Variants in EPHB1 observed in about 807,000 individuals in gnomAD.
EPHB1 encodes the protein EPH receptor B1.
EPHB1 carries 30 observed loss-of-function variants against 94.4 expected under a neutral mutation model. The ratio of observed to expected loss-of-function variants is 0.32; its 90% CI spans 0.24 to 0.43. The LOEUF is 0.43. EPHB1 is among the 20% of genes least tolerant of loss of function. The pLI is 1.00. For missense variants in EPHB1, 1,055 were observed against 1,308.3 expected (o/e 0.81, Z 2.99); for synonymous variants, 522 against 489.1 (o/e 1.07, Z -0.89).
At chr3:135,086,208 G>A (rs1025699889) in intron 3 of EPHB1, among the ~76,000 whole-genome samples, 2 of 151,986 alleles carry the variant, frequency 1.3e-5, no homozygotes, top group African/African-American at 4.8e-5. Flanking sequence ...TTCCAGGACC[G>A]AGCTGCCTTA....
At chr3:134,836,879 A>T (rs972496232) in intron 1 of EPHB1, among the ~76,000 whole-genome samples, 7 of 152,250 alleles carry the variant, frequency 4.6e-5, no homozygotes, top group African/African-American at 1.7e-4. Flanking sequence ...AATCTGGAAT[A>T]AGTTTGTCTA....
At chr3:135,165,867 C>G (rs1941638984) in intron 7 of EPHB1, 101 bp from the exon 8 acceptor site, 1 of 795,204 alleles carries the variant, frequency 1.3e-6, no homozygotes, top group African/African-American at 1.7e-5. Context: ...CTATCCTCTA[C>G]ATATATGTAT....
chr3:135,141,961 A>C (rs977549678), intron 5 of EPHB1, among the ~76,000 whole-genome samples: 1 of 152,188 alleles, frequency 6.6e-6, no homozygotes, highest in African/African-American at 2.4e-5. Flanking sequence ...GGAGAATGAG[A>C]GTATAGTTTG....
rs557685026 is a variant in EPHB1 at position 135,164,718 on chromosome 3, A to G, written c.1586-1250A>G. ...CAGCTACTCGGGAGGCTGAGACATT[A>G]GAATTGCTTGAACTCGGGAGGCGGA... On this transcript the variant is annotated intron_variant, in intron 7 of 15. Coordinates refer to ENST00000398015, the MANE Select transcript of EPHB1 (RefSeq NM_004441.5). 2.0e-5 allele frequency among the ~76,000 whole-genome samples: 3 copies of G among 150,090 alleles called. No homozygotes were observed. In the South Asian group the frequency reaches 6.4e-4, roughly 32 times the overall value.
chr3:134,981,195 G>A (rs1934388926), intron 3 of EPHB1, among the ~76,000 whole-genome samples: 1 of 152,182 alleles, frequency 6.6e-6, no homozygotes, highest in Admixed American at 6.5e-5. Flanking sequence ...CCTCTTACCA[G>A]CACTCTGACC....
Position 134,925,723 on chromosome 3 carries a change from A to G in EPHB1, c.59-93A>G, listed in dbSNP as rs139965090. On this transcript the variant is annotated intron_variant, in intron 1 of 15. Transcript: ENST00000398015. ...CCTCCTTGTAGTACTGTCATTTACT[A>G]TCACAAACAACTTCGTGACCTTGAG... 2.8e-4 allele frequency: 296 copies of G among 1,062,902 alleles called. 1 individual carries two copies. The African/African-American group carries it at 4.6e-3, about 17-fold the overall frequency. The allele number at this position is 1,062,902 out of a possible 1,614,324, so 65.8% of individuals were successfully genotyped here. A position where few individuals can be genotyped will look rare whatever the true frequency, so the allele number is the denominator to read the frequency against.
At chr3:134,882,801 T>TCTTA (rs1320794897) in intron 1 of EPHB1, among the ~76,000 whole-genome samples, 3 of 79,780 alleles carry the variant, frequency 3.8e-5, no homozygotes, top group Non-Finnish European at 8.6e-5. Flanking sequence ...TTTCTTTCTT[T>TCTTA]CTTTCTTTCT....
intron 3 of EPHB1, among the ~76,000 whole-genome samples, chr3:135,096,899 C>A (rs928395105): frequency 6.6e-6 from 1 of 152,062 alleles, no homozygotes; most frequent in African/African-American, 2.4e-5. Context: ...AGATCGAGAC[C>A]ATCCTGGCTA....
rs1042789 is a variant in EPHB1, at chr3:135,132,851, C to A, written c.1099C>A (p.Arg367Ser). The change falls in exon 5 of 16, where the codon CGC becomes AGC. Residue 367 changes from arginine to serine, a missense_variant. Physicochemically the swap from Arg to Ser is moderately radical, Grantham distance 110. Transcript: ENST00000398015. ...CATCTGCAAAAAGTGCCGGGCAGACCGCCGGAGCTGCTCCCGCTGTGACGA... is the reference window on the plus strand; with the variant it reads ...CATCTGCAAAAAGTGCCGGGCAGACAGCCGGAGCTGCTCCCGCTGTGACGA... The part of the protein sequence containing the change: ...NIICKKCRAD[R>S]RSCSRCDDNV... The A allele has an allele frequency of 6.2e-7, 1 of 1,614,026 alleles. No homozygotes were observed.
At chr3:135,221,263 G>A (rs1352175629) in intron 12 of EPHB1, among the ~76,000 whole-genome samples, 1 of 152,068 alleles carries the variant, frequency 6.6e-6, no homozygotes, top group Non-Finnish European at 1.5e-5. Flanking sequence ...CATTGCATAG[G>A]CTATGGTTCT....
chr3:135,073,950 G>A (rs1470972100), intron 3 of EPHB1, among the ~76,000 whole-genome samples: 1 of 152,118 alleles, frequency 6.6e-6, no homozygotes, highest in East Asian at 1.9e-4. Flanking sequence ...TATTTATTTG[G>A]AAAGAATACT....
chr3:134,978,166 T>TG, intron 3 of EPHB1: 1 of 286,484 alleles, frequency 3.5e-6, no homozygotes, highest in South Asian at 2.2e-5. Flanking sequence ...TCCACTGAGT[T>TG]ACAAGTCCTA....
rs77142445 is a variant in EPHB1 at position 135,166,656 on chromosome 3, C to G, written c.1695-286C>G. Reference sequence around the variant, plus strand: ...TAGCTTAAGTGCTGATGGACATCCTCTTCACCTCTGCCCCCATCAGCACTG... The same window carrying G: ...TAGCTTAAGTGCTGATGGACATCCTGTTCACCTCTGCCCCCATCAGCACTG... On this transcript the variant is annotated intron_variant, in intron 8 of 15. Coordinates refer to ENST00000398015, the MANE Select transcript of EPHB1 (RefSeq NM_004441.5). Among the ~76,000 whole-genome samples the G allele has an allele frequency of 3.2e-3, 482 of 152,370 alleles. 1 individual carries two copies. Among genetic ancestry groups the G allele is most frequent in the African/African-American group, 0.011 (449 of 41,588 alleles).
chr3:135,194,486 G>A (rs527255486), intron 11 of EPHB1, among the ~76,000 whole-genome samples: 158 of 152,328 alleles, frequency 1.0e-3, no homozygotes, highest in Non-Finnish European at 1.5e-3. Context: ...TAGGTAGGCT[G>A]ATGGAACAGC....
At chr3:135,182,843 G>A (rs1191342077) in intron 10 of EPHB1, among the ~76,000 whole-genome samples, 2 of 152,122 alleles carry the variant, frequency 1.3e-5, no homozygotes, top group Non-Finnish European at 2.9e-5. Flanking sequence ...TCTGTTTCTA[G>A]CCCCATGTTT....
At chr3:134,922,346 G>C (rs2107700424) in intron 1 of EPHB1, among the ~76,000 whole-genome samples, 1 of 152,356 alleles carries the variant, frequency 6.6e-6, no homozygotes, top group East Asian at 1.9e-4. Context: ...TGCCAGAAAA[G>C]AAACTGCCCT....
intron 1 of EPHB1, among the ~76,000 whole-genome samples, chr3:134,811,751 C>A (rs2036184589): frequency 6.6e-6 from 1 of 152,192 alleles, no homozygotes; most frequent in African/African-American, 2.4e-5. Context: ...ATAAACCTGG[C>A]AGCGACTTAG....
chr3:135,121,551 T>A (rs1283785856), intron 4 of EPHB1, among the ~76,000 whole-genome samples: 1 of 152,182 alleles, frequency 6.6e-6, no homozygotes, highest in African/African-American at 2.4e-5. Context: ...TTGCCTCCAG[T>A]GACAGCAAAT....
chr3:135,178,613 A>T (rs1942059678), intron 9 of EPHB1, among the ~76,000 whole-genome samples: 1 of 152,098 alleles, frequency 6.6e-6, no homozygotes, highest in Admixed American at 6.5e-5. Context: ...AGTTTTTTGG[A>T]TGGAAAATGT....
Sources: gnomAD v4.1 joint callset for allele counts (sites outside exome capture counted in the v4.1 genomes callset) on GRCh38, gnomAD v4.1.1 for gene constraint, MANE v1.5 for transcripts, NCBI Gene and HGNC (gene_info 2026-07-23, HGNC 2026-07-21) for gene names.